PKD2L2: variants seen among roughly 807,000 people sequenced by gnomAD.
The protein encoded by PKD2L2 is polycystin 2 like 2, transient receptor potential cation channel, also known as polycystin-2-like protein 2.
Under a neutral mutation model 83.9 loss-of-function variants are expected in PKD2L2, and 67 were observed. That is an observed-to-expected ratio of 0.80 (90% CI 0.66 to 0.98). The LOEUF (loss-of-function observed/expected upper bound fraction) is 0.98. Ranked by LOEUF, PKD2L2 falls within the 50% of genes least tolerant of loss-of-function variation. The pLI is 0.00. For synonymous variants in PKD2L2, 223 were observed against 237.8 expected (o/e 0.94, Z 0.57); for missense variants, 632 against 717.2 (o/e 0.88, Z 1.36).
intron 14 of PKD2L2, chr5:137,941,928 G>T: frequency 2.5e-6 from 4 of 1,594,698 alleles, no homozygotes; most frequent in Non-Finnish European, 3.4e-6. Flanking sequence ...ACTCAATTTT[G>T]TGATGCTCAA....
At chr5:137,891,555 A>G (rs553293254) in intron 2 of PKD2L2, among the ~76,000 whole-genome samples, 2 of 152,212 alleles carry the variant, frequency 1.3e-5, no homozygotes, top group African/African-American at 2.4e-5. Flanking sequence ...TGAAAACTAC[A>G]TGCTTACTAC....
intron 12 of PKD2L2, among the ~76,000 whole-genome samples, chr5:137,934,865 A>G (rs1760185926): frequency 6.6e-6 from 1 of 152,164 alleles, no homozygotes; most frequent in African/African-American, 2.4e-5. Flanking sequence ...CCTGGGTGAC[A>G]GAGTGAGACT....
chr5:137,894,993 C>T (rs1756320653), intron 4 of PKD2L2, among the ~76,000 whole-genome samples: 1 of 152,144 alleles, frequency 6.6e-6, no homozygotes, highest in South Asian at 2.1e-4. Flanking sequence ...TGTGCTCTGT[C>T]ACTTTCCTCC....
intron 12 of PKD2L2, among the ~76,000 whole-genome samples, chr5:137,934,317 A>T (rs1338341282): frequency 6.6e-6 from 1 of 152,198 alleles, no homozygotes; most frequent in Non-Finnish European, 1.5e-5. Context: ...CGGGTTTTTA[A>T]AATAAGTTTA....
rs766122873 is a variant in PKD2L2, at chr5:137,906,453, G to A, written c.975+19G>A. On this transcript the variant is annotated intron_variant, in intron 6 of 14. Transcript: ENST00000508883. ...TTTGCTGGTGAGTATATATTCATGTGTATGGTTGAAGGGGATCACATCTGA... is the reference window on the plus strand; with the variant it reads ...TTTGCTGGTGAGTATATATTCATGTATATGGTTGAAGGGGATCACATCTGA... 2 of 1,328,672 alleles carry A rather than the reference G, an allele frequency of 1.5e-6. No individual in the cohort carries two copies. Among genetic ancestry groups the A allele is most frequent in the South Asian group, 1.2e-5 (1 of 80,860 alleles). 82.3% of individuals were successfully genotyped at this position (1,328,672 alleles called of 1,614,324 possible).
At chr5:137,890,168 A>G (rs1755829624) in intron 1 of PKD2L2, 2 of 203,134 alleles carry the variant, frequency 9.8e-6, no homozygotes, top group South Asian at 2.1e-4. Flanking sequence ...CTGTAGTCCC[A>G]GCTACTCGGG....
At chr5:137,892,338 G>T in intron 2 of PKD2L2, 142 bp from the exon 3 acceptor site, 1 of 418,902 alleles carries the variant, frequency 2.4e-6, no homozygotes. Context: ...TATATTTCTA[G>T]TTTAGATTTT....
chr5:137,909,446 T>G (rs1757625534), intron 8 of PKD2L2, among the ~76,000 whole-genome samples: 1 of 152,026 alleles, frequency 6.6e-6, no homozygotes, highest in Non-Finnish European at 1.5e-5. Context: ...AGAAAAATAA[T>G]TTTTCATTTT....
Position 137,906,412 on chromosome 5 carries a change from G to A in PKD2L2, c.953G>A (p.Trp318Ter), listed in dbSNP as rs746133894. The A allele has an allele frequency of 6.9e-6, 11 of 1,598,660 alleles. No homozygotes were observed. The highest frequency in any genetic ancestry group is 9.4e-6 in the Non-Finnish European group (11 of 1,168,086). The change falls in exon 6 of 15, where the codon TGG becomes TAG. Residue 318 changes from tryptophan (W) to a stop codon, truncating the protein, a stop_gained. Coordinates refer to ENST00000508883, the MANE Select transcript of PKD2L2 (RefSeq NM_001300921.2). LOFTEE classifies it high-confidence loss of function. ...GCCTATTTCAAAAGTATTTGGAACT[G>A]GCTAGAATTGCTACTTTTGCTGGTG... ...KSAYFKSIWNWLELLLLLLCF... is the reference protein window; with the variant it reads ...KSAYFKSIWN
intron 12 of PKD2L2, among the ~76,000 whole-genome samples, chr5:137,931,523 C>G (rs1308166652): frequency 6.6e-6 from 1 of 152,008 alleles, no homozygotes; most frequent in Non-Finnish European, 1.5e-5. Context: ...AAAGATGGTT[C>G]AAAATTGGGT....
chr5:137,921,244 C>T (rs1199461863), intron 8 of PKD2L2, among the ~76,000 whole-genome samples: 2 of 151,886 alleles, frequency 1.3e-5, no homozygotes, highest in African/African-American at 2.4e-5. Flanking sequence ...ACCTGTAATC[C>T]CAGCTACTTG....
rs117672202 is a variant in PKD2L2 at position 137,904,878 on chromosome 5, G to A, written c.747-1328G>A. Among the ~76,000 whole-genome samples the A allele has an allele frequency of 5.1e-4, 77 of 152,294 alleles. 2 individuals are homozygous for A. In the East Asian group the frequency reaches 0.013, roughly 27 times the overall value. ...GGGATTTTGCTCCCCGTGCAACAGG[G>A]AGAGTGAAACACACCATGGCCTTTA... On this transcript the variant is annotated intron_variant, in intron 5 of 14. Coordinates refer to ENST00000508883, the MANE Select transcript of PKD2L2 (RefSeq NM_001300921.2).
intron 8 of PKD2L2, among the ~76,000 whole-genome samples, chr5:137,911,051 C>G (rs1389244909): frequency 6.6e-6 from 1 of 152,178 alleles, no homozygotes; most frequent in African/African-American, 2.4e-5. Flanking sequence ...GTGCAACCAT[C>G]ACCACCATCT....
chr5:137,936,419 C>A lies in PKD2L2; in HGVS notation c.*9C>A, dbSNP rs1334768740. On this transcript the variant is annotated 3_prime_UTR_variant, in exon 14 of 15. Transcript: ENST00000508883. Reference sequence around the variant, plus strand: ...AGGTTTCAGCTCTATAGTATTGAGACAAGTGGAGGTAAGAATCTGTGATGC... The same window carrying A: ...AGGTTTCAGCTCTATAGTATTGAGAAAAGTGGAGGTAAGAATCTGTGATGC... 6 of 1,531,424 alleles carry A rather than the reference C, an allele frequency of 3.9e-6. No homozygotes were observed. In the South Asian group the frequency reaches 7.2e-5, roughly 18 times the overall value. The allele number at this position is 1,531,424 out of a possible 1,614,324, so 94.9% of individuals were successfully genotyped here.
intron 3 of PKD2L2, 80 bp downstream of exon 3, chr5:137,892,693 A>G (rs1561672544): frequency 1.9e-6 from 2 of 1,055,338 alleles, no homozygotes; most frequent in South Asian, 1.6e-5. Flanking sequence ...CACTCAATGA[A>G]TATCTTTTGA....
chr5:137,900,993 C>T (rs970877946), intron 5 of PKD2L2, among the ~76,000 whole-genome samples: 3 of 151,904 alleles, frequency 2.0e-5, no homozygotes, highest in Non-Finnish European at 4.4e-5. Flanking sequence ...CAAAATTAGC[C>T]GGGCGTGGTG....
chr5:137,924,575 T>C (rs537990145), intron 10 of PKD2L2, among the ~76,000 whole-genome samples: 2 of 152,322 alleles, frequency 1.3e-5, no homozygotes, highest in African/African-American at 2.4e-5. Context: ...TTCTAAAGCA[T>C]AGCACTTCAC....
chr5:137,910,940 T>C (rs972443278), intron 8 of PKD2L2, among the ~76,000 whole-genome samples: 2 of 152,152 alleles, frequency 1.3e-5, no homozygotes, highest in East Asian at 3.8e-4. Context: ...TTAAAGCCCC[T>C]TTTTCAATAT....
chr5:137,933,354 C>G (rs1285363016), intron 12 of PKD2L2, among the ~76,000 whole-genome samples: 1 of 152,182 alleles, frequency 6.6e-6, no homozygotes, highest in Non-Finnish European at 1.5e-5. Context: ...AAAGTCCCAA[C>G]AGTAATTGTA....
Sources: allele counts gnomAD v4.1 joint callset (sites outside exome capture counted in the v4.1 genomes callset), GRCh38; gene constraint gnomAD v4.1.1; transcripts MANE v1.5; gene names NCBI Gene and HGNC (gene_info 2026-07-23, HGNC 2026-07-21).